The following PGLYRP4 variants were observed in gnomAD, a reference collection of about 807,000 sequenced individuals.
PGLYRP4 encodes the protein peptidoglycan recognition protein 4, also known as PGRP-I-beta.
Under a neutral mutation model 41.2 loss-of-function variants are expected in PGLYRP4, and 39 were observed. The ratio of observed to expected loss-of-function variants is 0.95; its 90% confidence interval spans 0.73 to 1.24. The LOEUF (loss-of-function observed/expected upper bound fraction) is 1.24. PGLYRP4 is among the 50% of genes most tolerant of loss of function. The probability of loss-of-function intolerance (pLI) is 0.00; values close to 1 mark genes in which losing one functional copy is unlikely to be tolerated. For missense variants in PGLYRP4, 467 were observed against 460.7 expected, an observed-to-expected ratio of 1.01 and a Z score of -0.13; for synonymous variants, 202 against 186.8, an observed-to-expected ratio of 1.08 and a Z score of -0.66.
intron 4 of PGLYRP4, 100 bp from the exon 5 acceptor site, chr1:153,343,308 T>C (rs1865234): frequency 0.91 from 663,872 of 727,634 alleles, 303,226 homozygotes; most frequent in African/African-American, 0.98. Flanking sequence ...GGACTGAAGC[T>C]ATGTTCACTA....
intron 6 of PGLYRP4, 78 bp downstream of exon 6, chr1:153,341,548 AG>A: frequency 7.7e-7 from 1 of 1,301,574 alleles, no homozygotes; most frequent in Non-Finnish European, 1.1e-6. Flanking sequence ...CCTACTGAAA[AG>A]GTCACTCCCA....
Position 153,348,577 on chromosome 1 carries a change from T to C in PGLYRP4, c.-96A>G, listed in dbSNP as rs1269979048. Reference sequence around the variant, plus strand: ...CCCAGCCCAGCAGGTCAGGGTGCAGTCAGCTTGCCCCTGATTGGCCAGCAG... The same window carrying C: ...CCCAGCCCAGCAGGTCAGGGTGCAGCCAGCTTGCCCCTGATTGGCCAGCAG... On this transcript the variant is annotated 5_prime_UTR_variant, in exon 1 of 9. Transcript: ENST00000359650. 2.0e-5 allele frequency: 3 copies of C among 152,480 alleles called. No individual in the cohort carries two copies. Among genetic ancestry groups the C allele is most frequent in the Admixed American group, 2.0e-4 (3 of 15,292 alleles). 9.4% of individuals were successfully genotyped at this position (152,480 alleles called of 1,614,324 possible). A position where few individuals can be genotyped will look rare whatever the true frequency, so the allele number is the denominator to read the frequency against.
chr1:153,330,437 G>A lies in PGLYRP4; in HGVS notation c.*330C>T, dbSNP rs986277393. 8 of 187,990 alleles carry A rather than the reference G, an allele frequency of 4.3e-5. No individual in the cohort carries two copies. Among genetic ancestry groups the A allele is most frequent in the Non-Finnish European group, 9.0e-5 (8 of 88,442 alleles). The allele number at this position is 187,990 out of a possible 1,614,324, so 11.6% of individuals were successfully genotyped here. On this transcript the variant is annotated 3_prime_UTR_variant, in exon 9 of 9. Transcript: ENST00000359650. ...CAGACACCAGGGGAAGGCTCACCAG[G>A]CAGAGGGGAATGGAGAGAGAGAGAG...
chr1:153,345,349 C>A lies in PGLYRP4; in HGVS notation c.173G>T (p.Arg58Leu). 1 of 1,614,156 alleles carries A rather than the reference C, an allele frequency of 6.2e-7. No individual in the cohort carries two copies. Among genetic ancestry groups the A allele is most frequent in the Non-Finnish European group, 8.5e-7 (1 of 1,180,014 alleles). Residue 58 changes from arginine (R) to leucine (L), a missense_variant, in exon 4 of 9, where the codon CGC becomes CTC. By Grantham distance (102) the Arg-to-Leu change is moderately radical. Coordinates refer to ENST00000359650, the MANE Select transcript of PGLYRP4 (RefSeq NM_020393.4). ...AACAGCTTCTGCCCCCCATGCCTTG[C>A]GAGAGACCGTGGTGGAGACATCTGT... ...LPTDVSTTVS[R>L]KAWGAEAVGC...
intron 7 of PGLYRP4, among the ~76,000 whole-genome samples, chr1:153,339,406 G>T (rs561442543): frequency 1.8e-4 from 28 of 152,312 alleles, no homozygotes; most frequent in African/African-American, 6.5e-4. Flanking sequence ...GGCCAGAGAG[G>T]GGAGAGACAG....
chr1:153,348,358 T>G (rs746108269), intron 1 of PGLYRP4, among the ~76,000 whole-genome samples, 170 bp downstream of exon 1: 3 of 152,030 alleles, frequency 2.0e-5, no homozygotes, highest in Middle Eastern at 3.2e-3. Flanking sequence ...ATGGGTCTTA[T>G]GCAGAGAATC....
chr1:153,338,057 G>C (rs1660639991), intron 7 of PGLYRP4, among the ~76,000 whole-genome samples: 1 of 152,052 alleles, frequency 6.6e-6, no homozygotes, highest in Non-Finnish European at 1.5e-5. Flanking sequence ...CACTTCCTTG[G>C]CTTCAGTTGC....
At chr1:153,342,617 A>G (rs549571528) in intron 5 of PGLYRP4, among the ~76,000 whole-genome samples, 1 of 149,744 alleles carries the variant, frequency 6.7e-6, no homozygotes, top group Admixed American at 6.8e-5. Flanking sequence ...AGTAGAAGAG[A>G]GTCAGAGATT....
At chr1:153,334,946 A>T (rs750701901) in intron 8 of PGLYRP4, among the ~76,000 whole-genome samples, 1 of 152,184 alleles carries the variant, frequency 6.6e-6, no homozygotes, top group African/African-American at 2.4e-5. Flanking sequence ...GAAAACATAC[A>T]CCAGGGAAAG....
At chr1:153,339,368 G>A (rs958806665) in intron 7 of PGLYRP4, among the ~76,000 whole-genome samples, 3 of 152,206 alleles carry the variant, frequency 2.0e-5, no homozygotes, top group Non-Finnish European at 4.4e-5. Flanking sequence ...TGAAAAGGGT[G>A]CTACTAAAAT....
At chr1:153,334,650 C>A (rs375282229) in intron 8 of PGLYRP4, among the ~76,000 whole-genome samples, 8 of 151,602 alleles carry the variant, frequency 5.3e-5, no homozygotes, top group Non-Finnish European at 1.0e-4. Context: ...ACAGATTCAA[C>A]GCAGTTCCTA....
chr1:153,342,983 G>C, intron 5 of PGLYRP4, 107 bp downstream of exon 5: 1 of 521,250 alleles, frequency 1.9e-6, no homozygotes, highest in Non-Finnish European at 3.3e-6. Flanking sequence ...AGAGAAGTAT[G>C]AGAAGGATAA....
intron 8 of PGLYRP4, among the ~76,000 whole-genome samples, chr1:153,334,915 C>T (rs1354451178): frequency 6.6e-6 from 1 of 152,108 alleles, no homozygotes; most frequent in Non-Finnish European, 1.5e-5. Flanking sequence ...CTACACACAA[C>T]TGATCTTTGA....
intron 2 of PGLYRP4, among the ~76,000 whole-genome samples, 172 bp from the exon 3 acceptor site, chr1:153,346,363 C>G (rs886832358): frequency 6.6e-6 from 1 of 152,192 alleles, no homozygotes; most frequent in Admixed American, 6.5e-5. Flanking sequence ...CCTCTAATAG[C>G]AGCAGGTGGC....
chr1:153,331,931 CCATTAA>C (rs1290842623), intron 8 of PGLYRP4, among the ~76,000 whole-genome samples: 3 of 152,108 alleles, frequency 2.0e-5, no homozygotes, highest in Non-Finnish European at 4.4e-5. Context: ...AACTGGGTAA[CCATTAA>C]CATTATGACA....
intron 6 of PGLYRP4, 46 bp downstream of exon 6, chr1:153,341,581 G>T: frequency 1.3e-6 from 2 of 1,559,002 alleles, no homozygotes; most frequent in East Asian, 4.5e-5. Context: ...GAGTTAGTTG[G>T]GGTGAGCCCA....
At chr1:153,348,089 G>A in intron 1 of PGLYRP4, 111 bp from the exon 2 acceptor site, 1 of 635,342 alleles carries the variant, frequency 1.6e-6, no homozygotes, top group South Asian at 1.9e-5. Context: ...GTGGCCTCCT[G>A]AGGGCCAGCA....
At chr1:153,341,919 G>T in intron 5 of PGLYRP4, 140 bp from the exon 6 acceptor site, 1 of 725,998 alleles carries the variant, frequency 1.4e-6, no homozygotes, top group East Asian at 2.8e-5. Flanking sequence ...CCCAGTTGGA[G>T]AGGCTGAGAA....
chr1:153,345,596 C>A (rs1315438807), intron 3 of PGLYRP4, among the ~76,000 whole-genome samples: 2 of 152,188 alleles, frequency 1.3e-5, no homozygotes, highest in Non-Finnish European at 2.9e-5. Flanking sequence ...CTTTGCTCCC[C>A]CATCCCATAA....
Sources: allele counts gnomAD v4.1 joint callset (sites outside exome capture counted in the v4.1 genomes callset), GRCh38; gene constraint gnomAD v4.1.1; transcripts MANE v1.5; gene names NCBI Gene and HGNC (gene_info 2026-07-23, HGNC 2026-07-21).